CNIH3: variants seen among roughly 807,000 people sequenced by gnomAD.
CNIH3 encodes cornichon family AMPA receptor auxiliary protein 3.
CNIH3 carries 14 observed loss-of-function variants against 24.1 expected under a neutral mutation model. The ratio of observed to expected loss-of-function variants is 0.58; its 90% CI spans 0.38 to 0.91. The LOEUF (loss-of-function observed/expected upper bound fraction) is 0.91, where lower values mean the gene tolerates loss of function less well. Among genes scored for constraint, CNIH3 ranks in the 40% least tolerant of loss-of-function variants. CNIH3 has a pLI of 0.00. For missense variants in CNIH3, 178 were observed against 196.8 expected, an observed-to-expected ratio of 0.90 and a Z score of 0.57; for synonymous variants, 68 against 73.8, an observed-to-expected ratio of 0.92 and a Z score of 0.40.
intron 1 of CNIH3, among the ~76,000 whole-genome samples, chr1:224,471,562 T>C (rs900783363): frequency 6.6e-6 from 1 of 151,984 alleles, no homozygotes; most frequent in African/African-American, 2.4e-5. Flanking sequence ...GTTCTGTTCA[T>C]GTTGTTGCAA....
At chr1:224,487,697 G>T (rs562808599) in intron 1 of CNIH3, among the ~76,000 whole-genome samples, 3 of 152,198 alleles carry the variant, frequency 2.0e-5, no homozygotes, top group Admixed American at 2.0e-4. Context: ...TGAGAAAAGC[G>T]CTATTTGAAG....
chr1:224,549,657 G>A (rs902593734), intron 3 of CNIH3, among the ~76,000 whole-genome samples: 6 of 152,056 alleles, frequency 3.9e-5, no homozygotes, highest in African/African-American at 1.4e-4. Flanking sequence ...AGAAATACCA[G>A]AGCGATGATA....
intron 1 of CNIH3, among the ~76,000 whole-genome samples, chr1:224,474,707 T>C (rs937777930): frequency 1.3e-5 from 2 of 151,608 alleles, no homozygotes; most frequent in Admixed American, 6.6e-5. Flanking sequence ...TTATCCAGAC[T>C]AAGAAAAAAA....
chr1:224,727,002 A>G, intron 3 of CNIH3, among the ~76,000 whole-genome samples: 1 of 152,282 alleles, frequency 6.6e-6, no homozygotes, highest in East Asian at 1.9e-4. Flanking sequence ...TCCTTATATA[A>G]CAGACACTCT....
In CNIH3 at chr1:224,616,375, A is replaced by T; in HGVS notation, c.-800A>T. The stretch of plus-strand genomic sequence containing the variant: ...GCGGCAGCAGCAGGTGGAGCGAGCT[A>T]CAGCGTTTGGCCTGAAACCCACTGC... On this transcript the variant is annotated 5_prime_UTR_variant, in exon 1 of 6. Coordinates refer to ENST00000272133, the MANE Select transcript of CNIH3 (RefSeq NM_152495.2). The T allele has an allele frequency of 1.4e-6, 1 of 713,354 alleles. No homozygotes were observed. The highest frequency in any genetic ancestry group is 1.8e-6 in the Non-Finnish European group (1 of 566,526). The allele number at this position is 713,354 out of a possible 1,614,324, so 44.2% of individuals were successfully genotyped here.
At chr1:224,637,007 A>G (rs1684119369) in intron 1 of CNIH3, among the ~76,000 whole-genome samples, 1 of 145,422 alleles carries the variant, frequency 6.9e-6, no homozygotes, top group South Asian at 2.1e-4. Flanking sequence ...GCTGGAGTGC[A>G]GTGGCGTGAT....
intron 1 of CNIH3, among the ~76,000 whole-genome samples, chr1:224,483,925 C>A (rs971828065): frequency 2.0e-5 from 3 of 152,094 alleles, no homozygotes; most frequent in Non-Finnish European, 4.4e-5. Flanking sequence ...AATCCCAGCA[C>A]TTTGGGAGGC....
At chr1:224,653,756 A>G (rs531092796) in intron 1 of CNIH3, among the ~76,000 whole-genome samples, 1 of 152,186 alleles carries the variant, frequency 6.6e-6, no homozygotes, top group African/African-American at 2.4e-5. Flanking sequence ...TGAACAAAGG[A>G]AGGCAGCTGG....
intron 3 of CNIH3, among the ~76,000 whole-genome samples, chr1:224,550,108 A>G (rs112042776): frequency 1.3e-4 from 20 of 152,320 alleles, no homozygotes; most frequent in African/African-American, 4.8e-4. Flanking sequence ...TTATAGAAAT[A>G]TCAGTGATGA....
chr1:224,729,417 A>AAAAAAAAAAAAAAAAAAAAG (rs1689203604), intron 3 of CNIH3, among the ~76,000 whole-genome samples: 1 of 150,082 alleles, frequency 6.7e-6, no homozygotes, highest in Non-Finnish European at 1.5e-5. Flanking sequence ...GTCTCCAAAA[A>AAAAAAAAAAAAAAAAAAAAG]AAAAAAAAAA....
At chr1:224,615,192 T>C (rs1407376642), upstream of CNIH3, 1 of 152,152 alleles carries the variant, frequency 6.6e-6, no homozygotes, top group African/African-American at 2.4e-5. Context: ...TAGTTATTTA[T>C]CTAGTTCCCA....
At chr1:224,443,701 A>ATC (rs1675021966) in intron 1 of CNIH3, among the ~76,000 whole-genome samples, 1 of 141,978 alleles carries the variant, frequency 7.0e-6, no homozygotes. Flanking sequence ...AGATATAGAT[A>ATC]TATATATATA....
intron 1 of CNIH3, among the ~76,000 whole-genome samples, chr1:224,643,093 T>A (rs551826210): frequency 6.6e-6 from 1 of 152,314 alleles, no homozygotes; most frequent in East Asian, 1.9e-4. Context: ...TTGTTGATGG[T>A]CGAGGCGTGT....
Position 224,739,754 on chromosome 1 carries a change from G to T in CNIH3, c.*398G>T. ...GAGGCTGGAAGGCCACAAGGTGCTT[G>T]CTAAGGAACAGAATGACCCAGAGTC... On this transcript the variant is annotated 3_prime_UTR_variant, in exon 6 of 6. Coordinates refer to ENST00000272133, the MANE Select transcript of CNIH3 (RefSeq NM_152495.2). 9.0e-6 allele frequency: 2 copies of T among 222,826 alleles called. No homozygotes were observed. Among genetic ancestry groups the T allele is most frequent in the East Asian group, 1.3e-4 (1 of 7,808 alleles). 13.8% of individuals were successfully genotyped at this position (222,826 alleles called of 1,614,324 possible).
chr1:224,442,284 T>G (rs560952552), intron 1 of CNIH3, among the ~76,000 whole-genome samples: 1 of 152,314 alleles, frequency 6.6e-6, no homozygotes, highest in Non-Finnish European at 1.5e-5. Context: ...GTGCTGGGAT[T>G]ATAGGCAAGA....
rs1682602555 is a variant in CNIH3, at chr1:224,609,842, A to G, written n.402+43578A>G. On this transcript the variant is annotated intron_variant and non_coding_transcript_variant, in intron 3 of 7. Coordinates refer to the CNIH3 transcript ENST00000478120. The stretch of plus-strand genomic sequence containing the variant: ...GAGGGTAGGGTGGAGACAGGAATGT[A>G]AGGGGAGAGCAGATAGGAGATAAGG... 2.0e-5 allele frequency among the ~76,000 whole-genome samples: 3 copies of G among 152,150 alleles called. 1 individual carries two copies. Among genetic ancestry groups the G allele is most frequent in the Non-Finnish European group, 2.9e-5 (2 of 68,028 alleles).
chr1:224,558,175 C>G (rs908611281), intron 3 of CNIH3, among the ~76,000 whole-genome samples: 2 of 152,130 alleles, frequency 1.3e-5, no homozygotes, highest in African/African-American at 4.8e-5. Context: ...TATAAGATGG[C>G]CCCACTCACC....
chr1:224,644,752 G>GT (rs1227775895), intron 1 of CNIH3, among the ~76,000 whole-genome samples: 3 of 152,214 alleles, frequency 2.0e-5, no homozygotes, highest in African/African-American at 7.2e-5. Context: ...GAGGGCTGAG[G>GT]TTTTGCACAC....
chr1:224,601,616 CCTGA>C (rs1682213700), intron 3 of CNIH3, among the ~76,000 whole-genome samples: 1 of 152,116 alleles, frequency 6.6e-6, no homozygotes, highest in Non-Finnish European at 1.5e-5. Context: ...GTCATGTCTG[CCTGA>C]CTACCTACTG....
Sources: allele counts gnomAD v4.1 joint callset (sites outside exome capture counted in the v4.1 genomes callset), GRCh38; gene constraint gnomAD v4.1.1; transcripts MANE v1.5; gene names NCBI Gene and HGNC (gene_info 2026-07-23, HGNC 2026-07-21).